The following PTPN21 variants were observed in gnomAD, a reference collection of about 807,000 sequenced individuals.
PTPN21 encodes protein tyrosine phosphatase non-receptor type 21, also known as tyrosine-protein phosphatase non-receptor type 21.
In PTPN21, 77 loss-of-function variants were observed where a neutral mutation model predicts 131.8. The ratio of observed to expected loss-of-function variants is 0.58; its 90% CI spans 0.49 to 0.71. PTPN21 has a LOEUF of 0.71. PTPN21 is among the 30% of genes least tolerant of loss of function. PTPN21 has a pLI of 0.00. For missense variants in PTPN21, 1,552 were observed against 1,527.1 expected (o/e 1.02, Z -0.27); for synonymous variants, 715 against 621.3 (o/e 1.15, Z -2.24).
In PTPN21 at chr14:88,505,375, T is replaced by C. The variant is rs979163707; in HGVS notation, c.449-4A>G. On this transcript the variant is annotated splice_polypyrimidine_tract_variant and splice_region_variant and intron_variant, in intron 4 of 18. Coordinates refer to ENST00000556564, the MANE Select transcript of PTPN21 (RefSeq NM_007039.4). ...TGATCAAAGTCACCAAAATCCGCTA[T>C]ATAGAATGACAAACATTCACGTTAA... 1.3e-6 allele frequency: 2 copies of C among 1,586,366 alleles called. No homozygotes were observed. The highest frequency in any genetic ancestry group is 8.6e-7 in the Non-Finnish European group (1 of 1,161,652).
chr14:88,518,635 T>G (rs2078340858), intron 2 of PTPN21, among the ~76,000 whole-genome samples: 1 of 150,110 alleles, frequency 6.7e-6, no homozygotes, highest in Admixed American at 6.7e-5. Flanking sequence ...TTTACCATGT[T>G]GGTCAGGCTG....
chr14:88,472,470 A>G lies in PTPN21; in HGVS notation c.2650-5T>C. 6.4e-7 allele frequency: 1 copy of G among 1,557,844 alleles called. No homozygotes were observed. The highest frequency in any genetic ancestry group is 8.9e-7 in the Non-Finnish European group (1 of 1,129,538). On this transcript the variant is annotated splice_region_variant and splice_polypyrimidine_tract_variant and intron_variant, in intron 14 of 18. Coordinates refer to ENST00000556564, the MANE Select transcript of PTPN21 (RefSeq NM_007039.4). ...TCGTTGTTCCAGAATTTTACACTAT[A>G]AAACAGAATATGTGTAATAACATGA...
intron 9 of PTPN21, among the ~76,000 whole-genome samples, chr14:88,496,758 A>C (rs1194903381): frequency 1.3e-5 from 2 of 152,260 alleles, no homozygotes; most frequent in Non-Finnish European, 2.9e-5. Flanking sequence ...AAAAACTATA[A>C]AAATACCAAC....
chr14:88,512,162 C>T (rs2078196471), intron 3 of PTPN21, among the ~76,000 whole-genome samples: 1 of 152,134 alleles, frequency 6.6e-6, no homozygotes, highest in South Asian at 2.1e-4. Context: ...TCCTTTGCCC[C>T]CTCCACCGCC....
intron 12 of PTPN21, among the ~76,000 whole-genome samples, chr14:88,482,638 GA>G (rs1456399163): frequency 6.6e-6 from 1 of 151,240 alleles, no homozygotes; most frequent in Non-Finnish European, 1.5e-5. Context: ...GAAAAGAAAA[GA>G]AATGTTAAAT....
At chr14:88,499,772 T>C (rs1337846462) in intron 8 of PTPN21, among the ~76,000 whole-genome samples, 3 of 152,162 alleles carry the variant, frequency 2.0e-5, no homozygotes, top group East Asian at 1.9e-4. Context: ...ATAAAAACAA[T>C]ATAAGCTTTT....
chr14:88,475,091 CA>C (rs911194797), intron 13 of PTPN21, among the ~76,000 whole-genome samples: 153 of 139,576 alleles, frequency 1.1e-3, no homozygotes, highest in Middle Eastern at 3.6e-3. Context: ...ACTCCGTCTC[CA>C]AAAAAAAAAA....
intron 13 of PTPN21, among the ~76,000 whole-genome samples, chr14:88,476,184 T>C (rs57549077): frequency 4.9e-4 from 75 of 152,328 alleles, no homozygotes; most frequent in African/African-American, 1.8e-3. Flanking sequence ...ATAACCTTAA[T>C]TCACATTAGG....
chr14:88,506,283 T>C (rs960565929), intron 4 of PTPN21, among the ~76,000 whole-genome samples: 1 of 152,048 alleles, frequency 6.6e-6, no homozygotes, highest in Non-Finnish European at 1.5e-5. Context: ...GTGGCTGCAG[T>C]GCGCCACGAT....
At chr14:88,543,210 CTCTAT>C (rs1342354456) in intron 2 of PTPN21, among the ~76,000 whole-genome samples, 2 of 152,260 alleles carry the variant, frequency 1.3e-5, no homozygotes, top group East Asian at 3.9e-4. Context: ...CTTGATTCCT[CTCTAT>C]TCTAACAAAT....
chr14:88,512,777 C>T (rs2078205616), intron 3 of PTPN21, among the ~76,000 whole-genome samples: 1 of 152,204 alleles, frequency 6.6e-6, no homozygotes, highest in Admixed American at 6.5e-5. Flanking sequence ...TAGCTAACAA[C>T]TACCTTACTG....
Position 88,478,925 on chromosome 14 carries a change from G to C in PTPN21, c.2506C>G (p.Leu836Val). 6.7e-7 allele frequency: 1 copy of C among 1,485,526 alleles called. No homozygotes were observed. The highest frequency in any genetic ancestry group is 8.9e-7 in the Non-Finnish European group (1 of 1,119,438). 92.0% of individuals were successfully genotyped at this position (1,485,526 alleles called of 1,614,324 possible). The change falls in exon 13 of 19, where the codon CTA (leucine) becomes GTA (valine). Residue 836 changes from leucine to valine, a missense_variant. Leu to Val is a conservative substitution (Grantham distance 32, BLOSUM62 1). Transcript: ENST00000556564. Reference sequence around the variant, plus strand: ...CTGCTCGCCGCGTGGCTTACCCCTAGAGGCGGGAGCCCTTCCACGATGTTC... The same window carrying C: ...CTGCTCGCCGCGTGGCTTACCCCTACAGGCGGGAGCCCTTCCACGATGTTC... ...KKNIVEGLPP[L>V]GGMKKTRVDA...
rs751938732 is a variant in PTPN21 at position 88,480,363 on chromosome 14, T to A, written c.1079-11A>T. On this transcript the variant is annotated splice_polypyrimidine_tract_variant and intron_variant, in intron 12 of 18. Coordinates refer to ENST00000556564, the MANE Select transcript of PTPN21 (RefSeq NM_007039.4). Reference sequence around the variant, plus strand: ...GCACAAAGAGGTTATCTAGAAAAAATGAGTTCAAAATGAGATTTTTTTAAA... The same window carrying A: ...GCACAAAGAGGTTATCTAGAAAAAAAGAGTTCAAAATGAGATTTTTTTAAA... 59 of 1,589,576 alleles carry A rather than the reference T, an allele frequency of 3.7e-5. No individual in the cohort carries two copies. Among genetic ancestry groups the A allele is most frequent in the Non-Finnish European group, 4.8e-5 (56 of 1,161,744 alleles).
At chr14:88,525,096 T>A (rs921869491) in intron 2 of PTPN21, among the ~76,000 whole-genome samples, 1 of 151,942 alleles carries the variant, frequency 6.6e-6, no homozygotes, top group Non-Finnish European at 1.5e-5. Context: ...TAAAATTAGC[T>A]GAGTACAGTG....
intron 2 of PTPN21, among the ~76,000 whole-genome samples, chr14:88,533,655 A>G (rs1007814344): frequency 6.6e-6 from 1 of 152,126 alleles, no homozygotes; most frequent in African/African-American, 2.4e-5. Flanking sequence ...GACTGAGGCC[A>G]GAGGATCACT....
At chr14:88,492,310 A>G (rs1042300121) in intron 10 of PTPN21, among the ~76,000 whole-genome samples, 4 of 152,212 alleles carry the variant, frequency 2.6e-5, no homozygotes, top group African/African-American at 9.6e-5. Flanking sequence ...ATCATGCCAC[A>G]TATGGCTGGA....
intron 13 of PTPN21, among the ~76,000 whole-genome samples, chr14:88,475,096 A>C (rs904426793): frequency 1.3e-5 from 2 of 152,136 alleles, no homozygotes; most frequent in East Asian, 3.9e-4. Flanking sequence ...GTCTCCAAAA[A>C]AAAAAAGAAC....
chr14:88,508,533 C>T (rs148201250), intron 3 of PTPN21, among the ~76,000 whole-genome samples: 1 of 152,144 alleles, frequency 6.6e-6, no homozygotes, highest in East Asian at 1.9e-4. Context: ...ATTACTTATC[C>T]CAGATTATAG....
At chr14:88,532,804 T>G (rs570685243) in intron 2 of PTPN21, among the ~76,000 whole-genome samples, 92 of 152,286 alleles carry the variant, frequency 6.0e-4, no homozygotes, top group African/African-American at 2.0e-3. Flanking sequence ...AAAAACCCCT[T>G]AAATAGAATT....
Sources: gnomAD v4.1 joint callset for allele counts (sites outside exome capture counted in the v4.1 genomes callset) on GRCh38, gnomAD v4.1.1 for gene constraint, MANE v1.5 for transcripts, NCBI Gene and HGNC (gene_info 2026-07-23, HGNC 2026-07-21) for gene names.